DCC: variants seen among roughly 807,000 people sequenced by gnomAD.
The protein encoded by DCC is DCC netrin 1 receptor, also known as netrin receptor DCC.
Under a neutral mutation model 172.5 loss-of-function variants are expected in DCC, and 58 were observed. That is an observed-to-expected ratio of 0.34 (90% confidence interval 0.27 to 0.42). DCC has a LOEUF of 0.42. DCC is among the 10% of genes least tolerant of loss of function. The pLI is 1.00. For synonymous variants in DCC, 709 were observed against 644.5 expected (o/e 1.10, Z -1.52); for missense variants, 1,740 against 1,791.0 (o/e 0.97, Z 0.51).
intron 21 of DCC, among the ~76,000 whole-genome samples, chr18:53,424,923 C>T (rs1463580145): frequency 6.6e-6 from 1 of 152,064 alleles, no homozygotes; most frequent in Non-Finnish European, 1.5e-5. Context: ...TCTACACTGG[C>T]CAGTGAAGGC....
chr18:52,757,908 C>T (rs2037101010), intron 2 of DCC, among the ~76,000 whole-genome samples: 1 of 152,106 alleles, frequency 6.6e-6, no homozygotes, highest in Non-Finnish European at 1.5e-5. Context: ...CACTTATTCC[C>T]TTATCACTTT....
In DCC at chr18:52,436,901, C is replaced by T. The variant is rs1789667; in HGVS notation, c.91+96023C>T. 4.8e-3 allele frequency among the ~76,000 whole-genome samples: 735 copies of T among 152,256 alleles called. 9 individuals carry two copies. Among genetic ancestry groups the T allele is most frequent in the African/African-American group, 0.017 (691 of 41,536 alleles). On this transcript the variant is annotated intron_variant, in intron 1 of 28. Coordinates refer to ENST00000442544, the MANE Select transcript of DCC (RefSeq NM_005215.4). ...TGCCACTGAACTCCAGCCTGGGTGA[C>T]AGAGCAAGACTCTGCCTCAAAAAAA...
intron 5 of DCC, among the ~76,000 whole-genome samples, chr18:52,986,044 T>G (rs1024132259): frequency 6.6e-6 from 1 of 152,166 alleles, no homozygotes; most frequent in Non-Finnish European, 1.5e-5. Context: ...TAGTAATCAT[T>G]GATAGTTCAT....
intron 24 of DCC, among the ~76,000 whole-genome samples, chr18:53,466,810 G>T (rs1340656899): frequency 6.6e-6 from 1 of 152,198 alleles, no homozygotes; most frequent in Non-Finnish European, 1.5e-5. Context: ...ACAGGCGTGA[G>T]CCACCATGCC....
At chr18:52,884,599 C>T (rs531569010) in intron 2 of DCC, among the ~76,000 whole-genome samples, 50 of 152,058 alleles carry the variant, frequency 3.3e-4, no homozygotes, top group Middle Eastern at 3.4e-3. Flanking sequence ...AATTTCTTTG[C>T]GGTGTTATCT....
intron 15 of DCC, among the ~76,000 whole-genome samples, chr18:53,351,305 A>ATATACACAG (rs1555656768): frequency 7.5e-5 from 2 of 26,676 alleles, no homozygotes. Flanking sequence ...ATATATATAT[A>ATATACACAG]TATATATATA....
At chr18:52,642,634 G>GA (rs35825603) in intron 1 of DCC, among the ~76,000 whole-genome samples, 4,739 of 149,444 alleles carry the variant, frequency 0.032, 120 homozygotes, top group Admixed American at 0.078. Flanking sequence ...ACTTGAAAAT[G>GA]AAAAAAAAAT....
chr18:52,939,065 A>G (rs972757455), intron 5 of DCC, among the ~76,000 whole-genome samples: 1 of 152,112 alleles, frequency 6.6e-6, no homozygotes, highest in African/African-American at 2.4e-5. Context: ...CAATCTCTCT[A>G]TCACATCCTA....
chr18:53,370,795 T>A (rs1194256514), intron 15 of DCC, among the ~76,000 whole-genome samples: 1 of 151,780 alleles, frequency 6.6e-6, no homozygotes, highest in Non-Finnish European at 1.5e-5. Context: ...TCCTGGAAAA[T>A]GGGAAGAATG....
In DCC at chr18:53,158,435, G is replaced by A. The variant is rs146748881; in HGVS notation, c.1418+923G>A. On this transcript the variant is annotated intron_variant, in intron 8 of 28. Coordinates refer to ENST00000442544, the MANE Select transcript of DCC (RefSeq NM_005215.4). ...ATAAGTTCCACTTCAGGAGAAGCAG[G>A]GATTCATGTCCTAGGGTTCTAGTCC... 1.6e-3 allele frequency among the ~76,000 whole-genome samples: 239 copies of A among 152,238 alleles called. 1 individual carries two copies. The highest frequency in any genetic ancestry group is 5.5e-3 in the African/African-American group (229 of 41,544).
intron 15 of DCC, among the ~76,000 whole-genome samples, chr18:53,383,997 C>G (rs1358974355): frequency 4.6e-5 from 7 of 152,040 alleles, no homozygotes; most frequent in African/African-American, 1.7e-4. Context: ...ATGATTGTAC[C>G]ATATCTATAA....
intron 1 of DCC, among the ~76,000 whole-genome samples, chr18:52,585,898 A>G (rs1422592585): frequency 6.6e-6 from 1 of 152,100 alleles, no homozygotes; most frequent in African/African-American, 2.4e-5. Flanking sequence ...CTTGGCTAAC[A>G]CGGTGAAACC....
chr18:53,333,404 C>T (rs1223265144), intron 14 of DCC, among the ~76,000 whole-genome samples: 2 of 152,156 alleles, frequency 1.3e-5, no homozygotes, highest in Admixed American at 6.5e-5. Context: ...AAATGCAGCA[C>T]GCTAAATGGA....
rs1411500400 is a variant in DCC, at chr18:53,428,549, AATATATTTATAT to A, written c.3164-6577_3164-6566del. ...TATTTATGTATTTTATATATATATA[AATATATTTATAT>A]ATATATTTATATATATAAAATATAT... is the stretch of plus-strand genomic sequence containing the variant. On this transcript the variant is annotated intron_variant, in intron 21 of 28. Transcript: ENST00000442544. 1.9e-3 allele frequency among the ~76,000 whole-genome samples: 48 copies of A among 24,656 alleles called. 4 individuals carry two copies. Among genetic ancestry groups the A allele is most frequent in the African/African-American group, 5.9e-3 (46 of 7,800 alleles). 16.2% of individuals were successfully genotyped at this position (24,656 alleles called of 152,430 possible). A position where few individuals can be genotyped will look rare whatever the true frequency, so the allele number is the denominator to read the frequency against.
At chr18:53,327,324 C>A in intron 14 of DCC, among the ~76,000 whole-genome samples, 1 of 151,484 alleles carries the variant, frequency 6.6e-6, no homozygotes, top group Non-Finnish European at 1.5e-5. Context: ...AAAAGCAAAC[C>A]AAGATCATTA....
chr18:52,747,002 G>T (rs2036915754), intron 1 of DCC, among the ~76,000 whole-genome samples: 1 of 151,738 alleles, frequency 6.6e-6, no homozygotes, highest in Non-Finnish European at 1.5e-5. Flanking sequence ...GCCCAATGAT[G>T]ATCTGACACC....
intron 12 of DCC, among the ~76,000 whole-genome samples, chr18:53,216,548 TATC>T (rs2055854136): frequency 6.6e-6 from 1 of 152,186 alleles, no homozygotes; most frequent in African/African-American, 2.4e-5. Flanking sequence ...CTTATTGACT[TATC>T]ATGAGAAAGT....
intron 21 of DCC, among the ~76,000 whole-genome samples, chr18:53,425,377 T>TTTTTTTTTA (rs1910861916): frequency 6.8e-6 from 1 of 146,104 alleles, no homozygotes; most frequent in African/African-American, 2.5e-5. Flanking sequence ...TTTTTTTTTT[T>TTTTTTTTTA]GAGACAGAGT....
chr18:53,293,334 C>G (rs543788176), intron 12 of DCC, among the ~76,000 whole-genome samples: 2 of 152,298 alleles, frequency 1.3e-5, no homozygotes, highest in East Asian at 3.9e-4. Context: ...CTAGATAGAA[C>G]ATCTAATAAG....
Sources: gnomAD v4.1 joint callset for allele counts (sites outside exome capture counted in the v4.1 genomes callset) on GRCh38, gnomAD v4.1.1 for gene constraint, MANE v1.5 for transcripts, NCBI Gene and HGNC (gene_info 2026-07-23, HGNC 2026-07-21) for gene names.